The following DPP10 variants were observed in gnomAD, a reference collection of about 807,000 sequenced individuals.
DPP10 encodes the protein inactive dipeptidyl peptidase 10.
In DPP10, 33 loss-of-function variants were observed where a neutral mutation model predicts 120.9. The observed-to-expected ratio is 0.27, with a 90% CI of 0.21 to 0.37. The LOEUF is 0.37. DPP10 is among the 10% of genes least tolerant of loss of function. DPP10 has a pLI of 1.00. For missense variants in DPP10, 816 were observed against 942.8 expected, an observed-to-expected ratio of 0.87 and a Z score of 1.76; for synonymous variants, 337 against 326.1, an observed-to-expected ratio of 1.03 and a Z score of -0.36.
intron 1 of DPP10, among the ~76,000 whole-genome samples, chr2:114,514,858 G>A (rs1462751208): frequency 6.7e-6 from 1 of 150,136 alleles, no homozygotes. Flanking sequence ...CTAATTTCCT[G>A]TAACAGCAAC....
chr2:115,614,300 C>G (rs535856144), intron 5 of DPP10, among the ~76,000 whole-genome samples: 1 of 152,292 alleles, frequency 6.6e-6, no homozygotes, highest in South Asian at 2.1e-4. Flanking sequence ...ATTGCAGGAT[C>G]TACCACTAAG....
intron 3 of DPP10, among the ~76,000 whole-genome samples, chr2:115,487,008 T>C (rs1007203381): frequency 6.6e-6 from 1 of 152,180 alleles, no homozygotes; most frequent in Non-Finnish European, 1.5e-5. Context: ...TTCTGGTTAC[T>C]TTTTAGGTAA....
intron 1 of DPP10, among the ~76,000 whole-genome samples, chr2:114,987,112 A>G (rs1393408623): frequency 3.3e-5 from 5 of 152,112 alleles, no homozygotes; most frequent in African/African-American, 1.2e-4. Context: ...ATTCCATTAG[A>G]GTTTTGAAAA....
intron 1 of DPP10, among the ~76,000 whole-genome samples, chr2:114,605,751 TAGG>T (rs1162480393): frequency 6.6e-6 from 1 of 152,066 alleles, no homozygotes; most frequent in African/African-American, 2.4e-5. Flanking sequence ...AGGAGAGATG[TAGG>T]AGAAGAACTT....
At chr2:115,497,618 TG>T (rs1438916773) in intron 3 of DPP10, among the ~76,000 whole-genome samples, 1 of 152,118 alleles carries the variant, frequency 6.6e-6, no homozygotes, top group Non-Finnish European at 1.5e-5. Flanking sequence ...TAATTCATGA[TG>T]ATATGTTCAT....
intron 2 of DPP10, among the ~76,000 whole-genome samples, chr2:115,309,554 A>C (rs1354704168): frequency 6.6e-6 from 1 of 152,084 alleles, no homozygotes; most frequent in Admixed American, 6.6e-5. Context: ...TATTTTGGGG[A>C]AGCTGAAAAT....
At chr2:115,122,523 C>T (rs1258994620) in intron 1 of DPP10, among the ~76,000 whole-genome samples, 1 of 152,234 alleles carries the variant, frequency 6.6e-6, no homozygotes, top group Non-Finnish European at 1.5e-5. Flanking sequence ...CTAGAAGTTA[C>T]AAGAGCTGGC....
chr2:114,956,696 T>G (rs376871286), intron 1 of DPP10, among the ~76,000 whole-genome samples: 1 of 152,096 alleles, frequency 6.6e-6, no homozygotes, highest in African/African-American at 2.4e-5. Context: ...CTTTAATACC[T>G]ATTGCAAATT....
Position 114,900,997 on chromosome 2 carries a change from G to A in DPP10, c.61-408242G>A, listed in dbSNP as rs189447436. 9.1e-4 allele frequency among the ~76,000 whole-genome samples: 138 copies of A among 152,238 alleles called. No individual in the cohort carries two copies. In the Middle Eastern group the frequency reaches 0.01, roughly 11 times the overall value. On this transcript the variant is annotated intron_variant, in intron 1 of 25. Coordinates refer to ENST00000410059, the MANE Select transcript of DPP10 (RefSeq NM_020868.6). ...GGATCTAGTTTGAGGCACTAAAAAG[G>A]ATAAGGTATAAGTTATAAAAGAGCA... is the stretch of plus-strand genomic sequence containing the variant.
chr2:114,623,004 G>C (rs966656126), intron 1 of DPP10, among the ~76,000 whole-genome samples: 3 of 152,042 alleles, frequency 2.0e-5, no homozygotes, highest in African/African-American at 4.8e-5. Flanking sequence ...GATGAACCAA[G>C]GTTAATGATG....
chr2:115,137,670 C>T (rs1261515194), intron 1 of DPP10, among the ~76,000 whole-genome samples: 4 of 152,110 alleles, frequency 2.6e-5, no homozygotes, highest in African/African-American at 9.7e-5. Context: ...AACTGGCGGG[C>T]TACAGAGGGC....
chr2:114,481,759 T>C (rs1046888566), intron 1 of DPP10, among the ~76,000 whole-genome samples: 25 of 152,040 alleles, frequency 1.6e-4, no homozygotes, highest in African/African-American at 6.0e-4. Context: ...CTGGGTAATT[T>C]ATTTAAAAGA....
At position 115,389,563 on chromosome 2, in the gene DPP10, C is replaced by T. The variant is rs72840766; in HGVS notation, c.271+45651C>T. Among the ~76,000 whole-genome samples the T allele has an allele frequency of 9.1e-3, 1,379 of 152,160 alleles. 10 individuals carry two copies. Among genetic ancestry groups the T allele is most frequent in the Middle Eastern group, 0.014 (4 of 294 alleles). On this transcript the variant is annotated intron_variant, in intron 3 of 25. Coordinates refer to ENST00000410059, the MANE Select transcript of DPP10 (RefSeq NM_020868.6). ...ACCGATGTAATGAACTAAATAATAA[C>T]CTTGTTGAACCTAATGTTATGAAGT...
chr2:115,029,811 C>A lies in DPP10; in HGVS notation c.61-279428C>A, dbSNP rs191884378. ...CATCTTGCTTTTAAGTTTTGTTTAG[C>A]AGATCACAGAAGTGCTTAGTTTCAG... On this transcript the variant is annotated intron_variant, in intron 1 of 25. Transcript: ENST00000410059. Among the ~76,000 whole-genome samples the A allele has an allele frequency of 1.3e-3, 192 of 152,200 alleles. 1 individual carries two copies. The highest frequency in any genetic ancestry group is 1.6e-3 in the Admixed American group (25 of 15,268).
chr2:114,663,250 A>G (rs1326889925), intron 1 of DPP10, among the ~76,000 whole-genome samples: 1 of 147,778 alleles, frequency 6.8e-6, no homozygotes, highest in Non-Finnish European at 1.5e-5. Flanking sequence ...GTGTGTATAT[A>G]TATATATATC....
chr2:115,169,725 C>T (rs1396854831), intron 1 of DPP10, among the ~76,000 whole-genome samples: 1 of 152,058 alleles, frequency 6.6e-6, no homozygotes, highest in African/African-American at 2.4e-5. Context: ...TAGTTGAGTG[C>T]ATAATCAAAA....
At chr2:114,993,365 T>G (rs1574650944) in intron 1 of DPP10, among the ~76,000 whole-genome samples, 1 of 194 alleles carries the variant, frequency 5.2e-3, no homozygotes, top group South Asian at 0.1. Context: ...TGAATAATAC[T>G]TTTTTTTTTT....
At chr2:115,410,645 G>A (rs1430254267) in intron 3 of DPP10, among the ~76,000 whole-genome samples, 5 of 152,148 alleles carry the variant, frequency 3.3e-5, no homozygotes, top group Non-Finnish European at 7.4e-5. Context: ...CAAAAAGAAT[G>A]ATATAATGGA....
intron 5 of DPP10, among the ~76,000 whole-genome samples, chr2:115,673,185 T>C (rs1244355379): frequency 1.3e-5 from 2 of 152,172 alleles, no homozygotes; most frequent in African/African-American, 2.4e-5. Context: ...ATTAATGATA[T>C]AGTTTGGGAT....
Sources: gnomAD v4.1 joint callset for allele counts (sites outside exome capture counted in the v4.1 genomes callset) on GRCh38, gnomAD v4.1.1 for gene constraint, MANE v1.5 for transcripts, NCBI Gene and HGNC (gene_info 2026-07-23, HGNC 2026-07-21) for gene names.